Variants in UNC13C observed in about 807,000 individuals in gnomAD.
The protein encoded by UNC13C is protein unc-13 homolog C.
Under a neutral mutation model 245.4 loss-of-function variants are expected in UNC13C, and 174 were observed. That is an observed-to-expected ratio of 0.71 (90% confidence interval 0.63 to 0.80). The LOEUF (loss-of-function observed/expected upper bound fraction) is 0.80. Among genes scored for constraint, UNC13C ranks in the 30% least tolerant of loss-of-function variants. The pLI is 0.00. For missense variants in UNC13C, 2,829 were observed against 2,602.9 expected, an observed-to-expected ratio of 1.09 and a Z score of -1.89; for synonymous variants, 992 against 895.1, an observed-to-expected ratio of 1.11 and a Z score of -1.93.
At chr15:54,512,499 A>G (rs1167964822) in intron 24 of UNC13C, 1 of 395,174 alleles carries the variant, frequency 2.5e-6, no homozygotes, top group Non-Finnish European at 5.1e-6. Flanking sequence ...ACAGACAGTG[A>G]AATACTAGCT....
chr15:54,533,248 G>C (rs1895842007), intron 26 of UNC13C, among the ~76,000 whole-genome samples, 182 bp downstream of exon 26: 2 of 151,980 alleles, frequency 1.3e-5, no homozygotes, highest in Non-Finnish European at 2.9e-5. Flanking sequence ...TTGATTACTA[G>C]ATAAAAATAA....
At position 54,261,919 on chromosome 15, in the gene UNC13C, T is replaced by C. The variant is rs542730065; in HGVS notation, c.3449-2249T>C. Among the ~76,000 whole-genome samples, 3 of 152,214 alleles carry C rather than the reference T, an allele frequency of 2.0e-5. No individual in the cohort carries two copies. In the East Asian group the frequency reaches 5.8e-4, roughly 29 times the overall value. On this transcript the variant is annotated intron_variant, in intron 8 of 32. Coordinates refer to ENST00000260323, the MANE Select transcript of UNC13C (RefSeq NM_001080534.3). ...AAAATGCTTAAACATATGTCTCTAT[T>C]AACCTGCTGTCCACCGATTGGCAAT...
chr15:54,294,513 A>C (rs923212880), intron 11 of UNC13C, among the ~76,000 whole-genome samples: 1 of 152,124 alleles, frequency 6.6e-6, no homozygotes, highest in Admixed American at 6.5e-5. Flanking sequence ...TTAGTTGACA[A>C]AGTCAAGTAA....
At chr15:53,883,419 C>T in the UNC13C span, among the ~76,000 whole-genome samples, 24 of 152,174 alleles carry the variant, frequency 1.6e-4, no homozygotes, top group African/African-American at 4.6e-4. Flanking sequence ...TGTTTTGGGG[C>T]GGAGTCACAA....
the UNC13C span, among the ~76,000 whole-genome samples, chr15:53,904,812 C>T: frequency 6.6e-6 from 1 of 152,048 alleles, no homozygotes; most frequent in African/African-American, 2.4e-5. Flanking sequence ...GTTATGATAC[C>T]TTGGGCAAGT....
At chr15:53,973,596 A>T (rs539353454), upstream of UNC13C, among the ~76,000 whole-genome samples, 2 of 151,184 alleles carry the variant, frequency 1.3e-5, no homozygotes, top group African/African-American at 2.4e-5. Flanking sequence ...AAAAAAAAAA[A>T]TCCAAAAAGT....
At chr15:53,986,180 G>C (rs1331178202) in intron 1 of UNC13C, among the ~76,000 whole-genome samples, 1 of 151,968 alleles carries the variant, frequency 6.6e-6, no homozygotes, top group Non-Finnish European at 1.5e-5. Context: ...ATTTTATGTT[G>C]GAAGAAAATT....
At chr15:54,584,047 T>A (rs548512358) in intron 30 of UNC13C, among the ~76,000 whole-genome samples, 1 of 152,226 alleles carries the variant, frequency 6.6e-6, no homozygotes, top group South Asian at 2.1e-4. Flanking sequence ...AGTAAGAGAT[T>A]TCTTCTGTTC....
At chr15:54,124,116 A>G (rs951513565) in intron 2 of UNC13C, among the ~76,000 whole-genome samples, 12 of 152,194 alleles carry the variant, frequency 7.9e-5, no homozygotes, top group African/African-American at 2.7e-4. Flanking sequence ...AAAATTTTGG[A>G]TATTTCCAGT....
At chr15:54,121,681 CA>C (rs1455684946) in intron 2 of UNC13C, among the ~76,000 whole-genome samples, 1 of 151,608 alleles carries the variant, frequency 6.6e-6, no homozygotes, top group Non-Finnish European at 1.5e-5. Context: ...AGAAGTCTTT[CA>C]AAAAAATCTT....
At chr15:54,146,959 C>G (rs1897067) in intron 4 of UNC13C, among the ~76,000 whole-genome samples, 142,345 of 152,186 alleles carry the variant, frequency 0.94, 67,320 homozygotes, top group East Asian at 1. Flanking sequence ...CAGACAAATG[C>G]AGAGGAAAGT....
intron 2 of UNC13C, among the ~76,000 whole-genome samples, chr15:54,127,612 G>A (rs1440376015): frequency 3.3e-5 from 5 of 151,316 alleles, no homozygotes; most frequent in African/African-American, 9.7e-5. Flanking sequence ...TGTACATGAC[G>A]GGTTAATGGG....
At chr15:53,887,055 G>T in the UNC13C span, among the ~76,000 whole-genome samples, 2 of 152,102 alleles carry the variant, frequency 1.3e-5, no homozygotes, top group Non-Finnish European at 2.9e-5. Context: ...AACAGAAAAA[G>T]GACACTTGGT....
chr15:54,555,641 G>C (rs1007986968), intron 29 of UNC13C, 129 bp downstream of exon 29: 1 of 678,326 alleles, frequency 1.5e-6, no homozygotes, highest in Non-Finnish European at 2.5e-6. Context: ...TAGTTGAATA[G>C]ATATAGGTTG....
intron 1 of UNC13C, among the ~76,000 whole-genome samples, chr15:54,007,623 G>A (rs867638649): frequency 6.6e-6 from 1 of 152,162 alleles, no homozygotes; most frequent in South Asian, 2.1e-4. Flanking sequence ...GGTGGGTTGT[G>A]GGGAGGTAGA....
chr15:54,572,973 C>A (rs1427911799), intron 30 of UNC13C, among the ~76,000 whole-genome samples: 1 of 151,794 alleles, frequency 6.6e-6, no homozygotes, highest in Non-Finnish European at 1.5e-5. Flanking sequence ...TTCTCCCTTG[C>A]TTGTGTTAGA....
chr15:53,902,710 G>A, the UNC13C span, among the ~76,000 whole-genome samples: 2 of 152,140 alleles, frequency 1.3e-5, no homozygotes, highest in African/African-American at 2.4e-5. Flanking sequence ...CAAAAAATTT[G>A]GAATGATAGA....
intron 18 of UNC13C, among the ~76,000 whole-genome samples, chr15:54,414,059 A>G (rs1178494970): frequency 6.6e-6 from 1 of 152,240 alleles, no homozygotes; most frequent in African/African-American, 2.4e-5. Context: ...AATTTTTAGA[A>G]GCAGTCAGAA....
chr15:54,000,696 A>C (rs1479482295), intron 1 of UNC13C, among the ~76,000 whole-genome samples: 1 of 152,164 alleles, frequency 6.6e-6, no homozygotes, highest in Admixed American at 6.5e-5. Flanking sequence ...ATGGACAGAT[A>C]GAATGTAATA....
Sources: gnomAD v4.1 joint callset for allele counts (sites outside exome capture counted in the v4.1 genomes callset) on GRCh38, gnomAD v4.1.1 for gene constraint, MANE v1.5 for transcripts, NCBI Gene and HGNC (gene_info 2026-07-23, HGNC 2026-07-21) for gene names.